Variants in SIK2 observed in about 807,000 individuals in gnomAD.
SIK2 encodes serine/threonine-protein kinase SIK2.
Under a neutral mutation model 103.2 loss-of-function variants are expected in SIK2, and 29 were observed. That is an observed-to-expected ratio of 0.28 (90% CI 0.21 to 0.38). The LOEUF (loss-of-function observed/expected upper bound fraction) is 0.38, where lower values mean the gene tolerates loss of function less well. SIK2 is among the 10% of genes least tolerant of loss of function. The pLI, the probability that SIK2 is intolerant of heterozygous loss-of-function variation, is 1.00. For synonymous variants in SIK2, 412 were observed against 446.1 expected, an observed-to-expected ratio of 0.92 and a Z score of 0.96; for missense variants, 879 against 1,171.0, an observed-to-expected ratio of 0.75 and a Z score of 3.64.
rs747947146 is a variant in SIK2, at chr11:111,727,089, G to C, written c.*2960G>C. On this transcript the variant is annotated 3_prime_UTR_variant, in exon 15 of 15. Coordinates refer to ENST00000304987, the MANE Select transcript of SIK2 (RefSeq NM_015191.3). ...GGCAAACAGCATGTTAGCCCGACAG[G>C]AAGAGGGGGCCCACTTTCACATTCC... 1 of 1,590,126 alleles carries C rather than the reference G, an allele frequency of 6.3e-7. No homozygotes were observed. The highest frequency in any genetic ancestry group is 1.1e-5 in the South Asian group (1 of 90,432).
At position 111,724,112 on chromosome 11, in the gene SIK2, T is replaced by C. The variant is rs1203714545; in HGVS notation, c.2764T>C (p.Tyr922His). 1.2e-6 allele frequency: 2 copies of C among 1,610,982 alleles called. No homozygotes were observed. The highest frequency in any genetic ancestry group is 1.1e-5 in the South Asian group (1 of 91,088). Residue 922 changes from tyrosine (Y) to histidine (H), a missense_variant, in exon 15 of 15, where the codon TAT becomes CAT. Physicochemically the swap from Tyr to His is moderately conservative, Grantham distance 83. Coordinates refer to ENST00000304987, the MANE Select transcript of SIK2 (RefSeq NM_015191.3). ...CGCTGTGGATCCACAACACAACGGG[T>C]ATGTCCTGGTGAATTAGTCTCAGCA... is the stretch of plus-strand genomic sequence containing the variant. ...LDAVDPQHNG[Y>H]VLVN
At chr11:111,669,257 T>C (rs1942591424) in intron 3 of SIK2, among the ~76,000 whole-genome samples, 1 of 152,144 alleles carries the variant, frequency 6.6e-6, no homozygotes, top group African/African-American at 2.4e-5. Flanking sequence ...GAAATACATT[T>C]GTATGTGTAT....
intron 3 of SIK2, among the ~76,000 whole-genome samples, chr11:111,669,813 T>A (rs915131827): frequency 6.6e-6 from 1 of 152,170 alleles, no homozygotes; most frequent in Non-Finnish European, 1.5e-5. Flanking sequence ...TCCTCTCTGA[T>A]CTTGGCTCCC....
Position 111,722,403 on chromosome 11 carries a change from G to A in SIK2, c.2056-262G>A, listed in dbSNP as rs952518804. Among the ~76,000 whole-genome samples the A allele has an allele frequency of 2.6e-5, 4 of 152,236 alleles. No homozygotes were observed. Among genetic ancestry groups the A allele is most frequent in the African/African-American group, 9.6e-5 (4 of 41,460 alleles). On this transcript the variant is annotated intron_variant, in intron 13 of 14. Coordinates refer to ENST00000304987, the MANE Select transcript of SIK2 (RefSeq NM_015191.3). This position sits in a 1 kb window ranked among gnomAD's most constrained non-coding sequence, Gnocchi z 4.4. ...AAGATCTAACTCCACCTTTCTCATTGCTTTTTAATGTCCATGAGCCTCACA... is the reference window on the plus strand; with the variant it reads ...AAGATCTAACTCCACCTTTCTCATTACTTTTTAATGTCCATGAGCCTCACA...
intron 1 of SIK2, among the ~76,000 whole-genome samples, chr11:111,611,126 G>A (rs1941720540): frequency 6.6e-6 from 1 of 150,632 alleles, no homozygotes; most frequent in African/African-American, 2.5e-5. Context: ...GTGCACACCT[G>A]TAGTCCCAGC....
At chr11:111,644,663 C>T (rs540440321) in intron 3 of SIK2, among the ~76,000 whole-genome samples, 2 of 152,230 alleles carry the variant, frequency 1.3e-5, no homozygotes, top group East Asian at 3.9e-4. Flanking sequence ...CTAAAAAGCT[C>T]AGAAACTGTT....
At chr11:111,676,606 GAT>G (rs1942706953) in intron 3 of SIK2, among the ~76,000 whole-genome samples, 1 of 152,160 alleles carries the variant, frequency 6.6e-6, no homozygotes, top group Admixed American at 6.5e-5. Flanking sequence ...AAGTAAAAGA[GAT>G]ATATTTGCCC....
At chr11:111,675,586 C>G (rs1348930681) in intron 3 of SIK2, among the ~76,000 whole-genome samples, 1 of 152,156 alleles carries the variant, frequency 6.6e-6, no homozygotes, top group African/African-American at 2.4e-5. Flanking sequence ...CATAGTCAAG[C>G]CACTAGCTAA....
chr11:111,720,642 A>G lies in SIK2; in HGVS notation c.1660A>G (p.Ser554Gly), dbSNP rs763496004. 85 of 1,613,932 alleles carry G rather than the reference A, an allele frequency of 5.3e-5. No homozygotes were observed. The highest frequency in any genetic ancestry group is 6.9e-5 in the Non-Finnish European group (81 of 1,180,028). ...PSPRMTSPFISLRPTNPAMQA... is the reference protein window; with the variant it reads ...PSPRMTSPFIGLRPTNPAMQA... ...ACCCCGCATGACATCTCCCTTCATAAGCCTGAGACCTACCAACCCAGCCAT... is the reference window on the plus strand; with the variant it reads ...ACCCCGCATGACATCTCCCTTCATAGGCCTGAGACCTACCAACCCAGCCAT... The change falls in exon 11 of 15, where the codon AGC becomes GGC. Residue 554 changes from serine to glycine, a missense_variant. By Grantham distance (56) the Ser-to-Gly change is moderately conservative (BLOSUM62 0). Coordinates refer to ENST00000304987, the MANE Select transcript of SIK2 (RefSeq NM_015191.3).
chr11:111,721,165 G>A (rs1943789197), intron 12 of SIK2, 103 bp downstream of exon 12: 1 of 1,373,134 alleles, frequency 7.3e-7, no homozygotes, highest in Non-Finnish European at 9.8e-7. Context: ...CAGTCCTGGA[G>A]CAAACAGGCT....
intron 7 of SIK2, 77 bp from the exon 8 acceptor site, chr11:111,704,910 C>CTT (rs36106790): frequency 1.7e-3 from 2,333 of 1,394,296 alleles, no homozygotes; most frequent in Middle Eastern, 3.7e-3. Flanking sequence ...TTTCTTTCCT[C>CTT]TTTTTTTTTA....
intron 3 of SIK2, among the ~76,000 whole-genome samples, chr11:111,664,742 G>A (rs1181679551): frequency 1.4e-5 from 2 of 142,744 alleles, no homozygotes; most frequent in East Asian, 2.0e-4. Flanking sequence ...AAATGGGATA[G>A]CAATCAAGGC....
chr11:111,722,683 A>G lies in SIK2; in HGVS notation c.2074A>G (p.Lys692Glu). 6.2e-7 allele frequency: 1 copy of G among 1,614,020 alleles called. No homozygotes were observed. The highest frequency in any genetic ancestry group is 8.5e-7 in the Non-Finnish European group (1 of 1,179,924). Residue 692 changes from lysine (K) to glutamate (E), a missense_variant, in exon 14 of 15, where the codon AAG (lysine) becomes GAG (glutamate). Physicochemically the swap from Lys to Glu is moderately conservative, Grantham distance 56. This residue lies in a region of SIK2 where 375 missense variants were observed against 416.3 expected (regional missense o/e 0.90). Coordinates refer to ENST00000304987, the MANE Select transcript of SIK2 (RefSeq NM_015191.3). This position sits in a 1 kb window ranked among gnomAD's most constrained non-coding sequence, Gnocchi z 4.4. ...HRLQKPSLLS[K>E]AQNTCQLYCK... ...CTTCCAGAAGCCCAGCCTTCTGTCA[A>G]AGGCCCAGAACACCTGTCAGCTTTA...
At chr11:111,674,778 G>A (rs952175625) in intron 3 of SIK2, among the ~76,000 whole-genome samples, 4 of 149,250 alleles carry the variant, frequency 2.7e-5, no homozygotes, top group African/African-American at 4.9e-5. Context: ...ACGGAGTCTC[G>A]TTCTGTCACC....
rs116245779 is a variant in SIK2, at chr11:111,623,636, G to A, written c.316+3234G>A. ...GTACTCTACTCAATGCCCCATGAAT[G>A]CTGAGGTTTTTTGGCCTGACAAGTA... On this transcript the variant is annotated intron_variant, in intron 3 of 14. Transcript: ENST00000304987. Among the ~76,000 whole-genome samples the A allele has an allele frequency of 3.0e-3, 460 of 152,304 alleles. 1 individual carries two copies. Among genetic ancestry groups the A allele is most frequent in the African/African-American group, 0.01 (432 of 41,556 alleles).
At chr11:111,633,142 C>G (rs1249716047) in intron 3 of SIK2, among the ~76,000 whole-genome samples, 1 of 152,174 alleles carries the variant, frequency 6.6e-6, no homozygotes, top group Non-Finnish European at 1.5e-5. Flanking sequence ...CCCTAAAGCC[C>G]TTTGCTCTCT....
intron 3 of SIK2, among the ~76,000 whole-genome samples, chr11:111,628,826 C>T (rs1035712827): frequency 6.6e-6 from 1 of 152,022 alleles, no homozygotes; most frequent in Non-Finnish European, 1.5e-5. Flanking sequence ...ATTTTAGACA[C>T]AATCTTTTGA....
In SIK2 at chr11:111,730,796, G is replaced by T. The variant is rs2136006065; in HGVS notation, c.*6667G>T. ...TGGGGTAATTTTCTGCAAGGAAAAT[G>T]TACTGTTTTTATGTTTCCAACCCTC... On this transcript the variant is annotated 3_prime_UTR_variant, in exon 15 of 15. Transcript: ENST00000304987. 6.6e-6 allele frequency: 1 copy of T among 152,236 alleles called. No individual in the cohort carries two copies. Among genetic ancestry groups the T allele is most frequent in the African/African-American group, 2.4e-5 (1 of 41,532 alleles). The allele number at this position is 152,236 out of a possible 1,614,324, so 9.4% of individuals were successfully genotyped here.
At chr11:111,682,245 A>T (rs1296245356) in intron 3 of SIK2, among the ~76,000 whole-genome samples, 1 of 152,170 alleles carries the variant, frequency 6.6e-6, no homozygotes, top group East Asian at 1.9e-4. Flanking sequence ...ACTATAGGAG[A>T]TGGAAGAATA....
Sources: gnomAD v4.1 joint callset for allele counts (sites outside exome capture counted in the v4.1 genomes callset) on GRCh38, gnomAD v4.1.1 for gene constraint, gnomAD v4.1.1 regional missense constraint, Gnocchi (gnomAD v3.1) non-coding constraint, MANE v1.5 for transcripts, NCBI Gene and HGNC (gene_info 2026-07-23, HGNC 2026-07-21) for gene names.